ZNF385C: variants seen among roughly 807,000 people sequenced by gnomAD.
ZNF385C encodes CTD-2132N18.2.
In ZNF385C, 28 loss-of-function variants were observed where a neutral mutation model predicts 35.4. The ratio of observed to expected loss-of-function variants is 0.79; its 90% CI spans 0.59 to 1.08. The LOEUF (loss-of-function observed/expected upper bound fraction) is 1.08. Ranked by LOEUF, ZNF385C falls within the 50% of genes least tolerant of loss-of-function variation. The probability of loss-of-function intolerance (pLI) is 0.00; values close to 1 mark genes in which losing one functional copy is unlikely to be tolerated. For missense variants in ZNF385C, 605 were observed against 595.6 expected (o/e 1.02, Z -0.16); for synonymous variants, 248 against 248.2 (o/e 1.00, Z 0.01).
At chr17:42,086,913 C>A (rs1261212282) in intron 1 of ZNF385C, among the ~76,000 whole-genome samples, 35 of 150,228 alleles carry the variant, frequency 2.3e-4, no homozygotes, top group Middle Eastern at 3.4e-3. Flanking sequence ...ACTGCAACCT[C>A]CACCTCCCAG....
At chr17:42,065,579 C>A (rs1040599168) in intron 1 of ZNF385C, among the ~76,000 whole-genome samples, 1 of 152,204 alleles carries the variant, frequency 6.6e-6, no homozygotes, top group African/African-American at 2.4e-5. Flanking sequence ...AGCTGCTTGT[C>A]CTTTTTGTGA....
Position 42,058,593 on chromosome 17 carries a change from C to T in ZNF385C, c.250+4214G>A, listed in dbSNP as rs192657293. On this transcript the variant is annotated intron_variant, in intron 2 of 8. Transcript: ENST00000692273. Reference sequence around the variant, plus strand: ...GCAGAGCTGGAAGAGGCATCCAGGGCGGCTGAGGGGCCCAACGTGCTCCCC... The same window carrying T: ...GCAGAGCTGGAAGAGGCATCCAGGGTGGCTGAGGGGCCCAACGTGCTCCCC... Among the ~76,000 whole-genome samples, 262 of 152,336 alleles carry T rather than the reference C, an allele frequency of 1.7e-3. 3 individuals are homozygous for T. Among genetic ancestry groups the T allele is most frequent in the African/African-American group, 6.0e-3 (248 of 41,578 alleles).
intron 1 of ZNF385C, among the ~76,000 whole-genome samples, chr17:42,088,106 G>A (rs2053828119): frequency 6.6e-6 from 1 of 152,198 alleles, no homozygotes; most frequent in African/African-American, 2.4e-5. Context: ...TATTTGCAAA[G>A]TGTTTAGCAA....
At chr17:42,090,063 C>A (rs2053848930) in intron 1 of ZNF385C, among the ~76,000 whole-genome samples, 1 of 152,140 alleles carries the variant, frequency 6.6e-6, no homozygotes, top group Non-Finnish European at 1.5e-5. Context: ...CACCTTCCAG[C>A]CACACTGGGC....
intron 5 of ZNF385C, among the ~76,000 whole-genome samples, chr17:42,029,760 G>C (rs544385085): frequency 6.6e-6 from 1 of 151,776 alleles, no homozygotes; most frequent in Non-Finnish European, 1.5e-5. Flanking sequence ...TGGGCCAGAC[G>C]CAGTGGCTCA....
chr17:42,074,925 C>G (rs1388932661), intron 1 of ZNF385C, among the ~76,000 whole-genome samples: 3 of 151,104 alleles, frequency 2.0e-5, no homozygotes, highest in African/African-American at 7.3e-5. Flanking sequence ...CTGGCCTCTG[C>G]CTGAACATGC....
At chr17:42,033,147 C>T (rs1555655128) in intron 4 of ZNF385C, among the ~76,000 whole-genome samples, 1 of 152,084 alleles carries the variant, frequency 6.6e-6, no homozygotes, top group Non-Finnish European at 1.5e-5. Flanking sequence ...CTCCTTGAAA[C>T]ATGGGAAAGA....
chr17:42,058,955 C>A (rs782730937), intron 2 of ZNF385C, among the ~76,000 whole-genome samples: 1 of 152,214 alleles, frequency 6.6e-6, no homozygotes, highest in African/African-American at 2.4e-5. Context: ...CCGCGCCTGA[C>A]CAAGTTGCTG....
chr17:42,091,299 G>A (rs931893615), intron 1 of ZNF385C, among the ~76,000 whole-genome samples: 6 of 152,134 alleles, frequency 3.9e-5, no homozygotes. Flanking sequence ...AATTATCCAG[G>A]TGTGTGCCTG....
chr17:42,042,563 C>T (rs886643085), intron 2 of ZNF385C, among the ~76,000 whole-genome samples: 70 of 152,194 alleles, frequency 4.6e-4, no homozygotes, highest in African/African-American at 1.6e-3. Flanking sequence ...TCAATCAAGC[C>T]TCCAGGCCAC....
intron 2 of ZNF385C, chr17:42,043,477 G>C: frequency 9.1e-7 from 1 of 1,102,230 alleles, no homozygotes; most frequent in East Asian, 3.2e-5. Flanking sequence ...AGAGTTGATG[G>C]GGAGGCAGGC....
At chr17:42,045,003 T>C (rs9903458) in intron 2 of ZNF385C, among the ~76,000 whole-genome samples, 108,005 of 150,910 alleles carry the variant, frequency 0.72, 41,503 homozygotes, top group South Asian at 0.85. Flanking sequence ...CTGCAAGCTC[T>C]GCCTCCCGGG....
chr17:42,038,116 G>A (rs571301797), intron 2 of ZNF385C: 4 of 1,518,056 alleles, frequency 2.6e-6, no homozygotes, highest in Admixed American at 4.0e-5. Context: ...CCAGCCCAGA[G>A]GGATGACCCT....
At chr17:42,085,964 A>G (rs2053802959) in intron 1 of ZNF385C, among the ~76,000 whole-genome samples, 1 of 152,128 alleles carries the variant, frequency 6.6e-6, no homozygotes, top group Admixed American at 6.5e-5. Flanking sequence ...GTCACTTGAG[A>G]AGTTGAGGTG....
At chr17:42,073,843 C>T (rs113359941) in intron 1 of ZNF385C, among the ~76,000 whole-genome samples, 14 of 152,364 alleles carry the variant, frequency 9.2e-5, no homozygotes, top group African/African-American at 3.1e-4. Flanking sequence ...ACCTGCCTGG[C>T]ACTGGGGCAG....
chr17:42,084,765 C>T (rs1409839836), intron 1 of ZNF385C, among the ~76,000 whole-genome samples: 2 of 152,012 alleles, frequency 1.3e-5, no homozygotes, highest in Non-Finnish European at 2.9e-5. Context: ...CATACACCAC[C>T]ATGCCCAGCT....
At position 42,028,255 on chromosome 17, in the gene ZNF385C, G is replaced by A; in HGVS notation, c.968-9C>T. ...CCACCGGTGCTTGGCTCCTGGAGAG[G>A]GAAGAAGGCAGTCTCTCAGCAGCAG... On this transcript the variant is annotated splice_polypyrimidine_tract_variant and intron_variant, in intron 6 of 8. Coordinates refer to ENST00000692273, the MANE Select transcript of ZNF385C (RefSeq NM_001392013.1). 3.3e-6 allele frequency: 5 copies of A among 1,519,524 alleles called. No individual in the cohort carries two copies. Among genetic ancestry groups the A allele is most frequent in the Non-Finnish European group, 4.4e-6 (5 of 1,136,540 alleles). 94.1% of individuals were successfully genotyped at this position (1,519,524 alleles called of 1,614,324 possible). A position where few individuals can be genotyped will look rare whatever the true frequency, so the allele number is the denominator to read the frequency against.
Position 42,065,557 on chromosome 17 carries a change from C to T in ZNF385C, c.-2-2499G>A, listed in dbSNP as rs573463462. ...TGCCTGTAGTCCCCAGATGCCACCCCCATTCTCAGTAAGCTGCTTGTCCTT... is the reference window on the plus strand; with the variant it reads ...TGCCTGTAGTCCCCAGATGCCACCCTCATTCTCAGTAAGCTGCTTGTCCTT... On this transcript the variant is annotated intron_variant, in intron 1 of 8. Coordinates refer to ENST00000692273, the MANE Select transcript of ZNF385C (RefSeq NM_001392013.1). Among the ~76,000 whole-genome samples, 8 of 152,298 alleles carry T rather than the reference C, an allele frequency of 5.3e-5. No individual in the cohort carries two copies. The South Asian group carries it at 1.7e-3, about 32-fold the overall frequency.
rs2052734943 is a variant in ZNF385C at position 42,031,748 on chromosome 17, CGT to C, written c.545_546del (p.His182ArgfsTer43). ...GCCTCGACAGCCTTGAGTTTTCTGGCGTGTTTGTGGCCTTTATAATGTGCCTC... is the reference window on the plus strand; with the variant it reads ...GCCTCGACAGCCTTGAGTTTTCTGGCGTTTGTGGCCTTTATAATGTGCCTC... ...QAEAHYKGHK[H>X]ARKLKAVEAA... is the part of the protein sequence containing the mutation. On this transcript the variant is annotated frameshift_variant, in exon 5 of 9. Coordinates refer to ENST00000692273, the MANE Select transcript of ZNF385C (RefSeq NM_001392013.1). LOFTEE classifies it high-confidence loss of function. The C allele has an allele frequency of 2.6e-6, 4 of 1,550,782 alleles. No individual in the cohort carries two copies. Among genetic ancestry groups the C allele is most frequent in the South Asian group, 2.4e-5 (2 of 84,066 alleles).
Sources: gnomAD v4.1 joint callset for allele counts (sites outside exome capture counted in the v4.1 genomes callset) on GRCh38, gnomAD v4.1.1 for gene constraint, MANE v1.5 for transcripts, NCBI Gene and HGNC (gene_info 2026-07-23, HGNC 2026-07-21) for gene names.